The following DLGAP4 variants were observed in gnomAD, a reference collection of about 807,000 sequenced individuals.
DLGAP4 encodes DLG associated protein 4.
Under a neutral mutation model 86.9 loss-of-function variants are expected in DLGAP4, and 18 were observed. The ratio of observed to expected loss-of-function variants is 0.21; its 90% CI spans 0.14 to 0.31. DLGAP4 has a LOEUF of 0.31. Ranked by LOEUF, DLGAP4 falls within the 10% of genes least tolerant of loss-of-function variation. The pLI is 1.00. For synonymous variants in DLGAP4, 548 were observed against 574.3 expected, an observed-to-expected ratio of 0.95 and a Z score of 0.65; for missense variants, 1,085 against 1,362.6, an observed-to-expected ratio of 0.80 and a Z score of 3.21.
chr20:36,442,168 AG>A (rs1279345033), intron 5 of DLGAP4, among the ~76,000 whole-genome samples: 1 of 152,180 alleles, frequency 6.6e-6, no homozygotes, highest in Non-Finnish European at 1.5e-5. Context: ...CCATGGTCCC[AG>A]GGCCCAGACC....
Position 36,381,751 on chromosome 20 carries a change from G to A in DLGAP4, c.-73+14476G>A, listed in dbSNP as rs149687704. Among the ~76,000 whole-genome samples the A allele has an allele frequency of 5.1e-3, 782 of 152,250 alleles. 7 individuals carry two copies. Among genetic ancestry groups the A allele is most frequent in the African/African-American group, 0.018 (745 of 41,520 alleles). ...TATATGACAGGTATGATGGGTCCTG[G>A]TGGGGCTATCGCTGATGCTGGTGAT... On this transcript the variant is annotated intron_variant, in intron 2 of 12. Coordinates refer to ENST00000339266, the MANE Select transcript of DLGAP4 (RefSeq NM_001365621.2).
At chr20:36,453,444 G>A (rs1007511486) in intron 7 of DLGAP4, among the ~76,000 whole-genome samples, 1 of 152,146 alleles carries the variant, frequency 6.6e-6, no homozygotes. Context: ...GAGCCCAGGA[G>A]TTCAAGATCA....
At chr20:36,472,409 G>A (rs1335224175) in intron 7 of DLGAP4, among the ~76,000 whole-genome samples, 7 of 150,354 alleles carry the variant, frequency 4.7e-5, no homozygotes, top group Admixed American at 2.7e-4. Context: ...GGGCTAAGGC[G>A]AAAGGATCAC....
rs1231745343 is a variant in DLGAP4 at position 36,308,713 on chromosome 20, T to C, written c.-304+2201T>C. Among the ~76,000 whole-genome samples, 1 of 152,090 alleles carries C rather than the reference T, an allele frequency of 6.6e-6. No individual in the cohort carries two copies. The highest frequency in any genetic ancestry group is 1.5e-5 in the Non-Finnish European group (1 of 68,014). ...GATGGGGAGGCTCTGAGGAACTGTA[T>C]CCCGGGCACCGTATGTGACAGAAGC... On this transcript the variant is annotated intron_variant, in intron 1 of 12. Coordinates refer to ENST00000339266, the MANE Select transcript of DLGAP4 (RefSeq NM_001365621.2). This position sits in a 1 kb window ranked among gnomAD's most constrained non-coding sequence, Gnocchi z 4.5.
At chr20:36,333,842 T>C (rs1333485967) in intron 1 of DLGAP4, among the ~76,000 whole-genome samples, 1 of 152,120 alleles carries the variant, frequency 6.6e-6, no homozygotes, top group African/African-American at 2.4e-5. Context: ...GGTGAAAACA[T>C]AGATAATTTT....
At chr20:36,369,427 C>T (rs1600443439) in intron 2 of DLGAP4, among the ~76,000 whole-genome samples, 2 of 152,028 alleles carry the variant, frequency 1.3e-5, no homozygotes, top group Non-Finnish European at 2.9e-5. Context: ...ACCCTGTCTC[C>T]ACTAAAAATA....
intron 7 of DLGAP4, among the ~76,000 whole-genome samples, chr20:36,468,128 GGAAGA>G (rs2034500395): frequency 6.6e-6 from 1 of 152,232 alleles, no homozygotes; most frequent in Non-Finnish European, 1.5e-5. Flanking sequence ...CCTTAAAGGT[GGAAGA>G]GTCAGAGGAG....
At chr20:36,334,173 G>A (rs1321902251) in intron 1 of DLGAP4, among the ~76,000 whole-genome samples, 2 of 152,204 alleles carry the variant, frequency 1.3e-5, no homozygotes, top group South Asian at 2.1e-4. Context: ...GGTGGAGGGT[G>A]GGCAGACCAG....
chr20:36,504,980 C>T (rs966708245), intron 10 of DLGAP4, among the ~76,000 whole-genome samples: 1 of 151,496 alleles, frequency 6.6e-6, no homozygotes, highest in African/African-American at 2.4e-5. Flanking sequence ...ACTTTTGATG[C>T]ACACAGGTTC....
Position 36,432,524 on chromosome 20 carries a change from C to G in DLGAP4, c.807C>G (p.Pro269=), listed in dbSNP as rs1188940268. 2 of 1,609,868 alleles carry G rather than the reference C, an allele frequency of 1.2e-6. No individual in the cohort carries two copies. Among genetic ancestry groups the G allele is most frequent in the Non-Finnish European group, 1.7e-6 (2 of 1,178,884 alleles). The part of the protein sequence containing the change: ...NNTTELTAPP[P]PPAPPATCPS... ...CTACTGAGCTGACTGCCCCACCACC[C>G]CCGCCCGCACCCCCAGCCACCTGCC... The change falls in exon 3 of 13, where the codon CCC becomes CCG. Residue 269 remains proline, a synonymous_variant. Coordinates refer to ENST00000339266, the MANE Select transcript of DLGAP4 (RefSeq NM_001365621.2). This position sits in a 1 kb window ranked among gnomAD's most constrained non-coding sequence, Gnocchi z 6.5.
chr20:36,382,856 G>A (rs529503892), intron 2 of DLGAP4, among the ~76,000 whole-genome samples: 30 of 152,050 alleles, frequency 2.0e-4, no homozygotes, highest in African/African-American at 7.0e-4. Context: ...CAGCAAAATG[G>A]GTATAATTGT....
At chr20:36,524,433 T>TC (rs2037575165) in intron 11 of DLGAP4, 92 bp downstream of exon 11, 1 of 1,040,732 alleles carries the variant, frequency 9.6e-7, no homozygotes, top group Admixed American at 2.3e-5. Flanking sequence ...TGTGCCCTCC[T>TC]CTGTAACACA....
At chr20:36,520,111 T>G (rs1023155129) in intron 10 of DLGAP4, among the ~76,000 whole-genome samples, 3 of 152,100 alleles carry the variant, frequency 2.0e-5, no homozygotes, top group Non-Finnish European at 4.4e-5. Flanking sequence ...GTATGAAGTA[T>G]CATTATGGTT....
intron 1 of DLGAP4, among the ~76,000 whole-genome samples, chr20:36,334,202 C>A (rs1363770983): frequency 6.6e-6 from 1 of 152,208 alleles, no homozygotes; most frequent in Non-Finnish European, 1.5e-5. Flanking sequence ...AAAAATGCTA[C>A]AGTGTGGAAA....
At chr20:36,517,608 A>T in intron 10 of DLGAP4, among the ~76,000 whole-genome samples, 1 of 145,804 alleles carries the variant, frequency 6.9e-6, no homozygotes, top group East Asian at 2.0e-4. Context: ...GTTGTTACTG[A>T]TTTTTTTTTT....
intron 5 of DLGAP4, among the ~76,000 whole-genome samples, chr20:36,441,735 T>TTC (rs11468412): frequency 1.3e-4 from 19 of 151,974 alleles, no homozygotes; most frequent in Non-Finnish European, 2.5e-4. Context: ...CTCCGTCTGT[T>TTC]TCTCTCTCTC....
At chr20:36,525,795 G>A (rs2037719874) in intron 11 of DLGAP4, 56 bp from the exon 12 acceptor site, 2 of 1,598,762 alleles carry the variant, frequency 1.3e-6, no homozygotes, top group Non-Finnish European at 1.7e-6. Flanking sequence ...GGGGGTTGGG[G>A]GGAGCAGGAC....
At chr20:36,473,285 A>C (rs1302678017) in intron 7 of DLGAP4, 1 of 152,222 alleles carries the variant, frequency 6.6e-6, no homozygotes, top group Non-Finnish European at 1.5e-5. Flanking sequence ...TGAAAGCCAA[A>C]GGATGGAGGA....
chr20:36,310,426 C>T (rs1245075880), intron 1 of DLGAP4, among the ~76,000 whole-genome samples: 4 of 152,062 alleles, frequency 2.6e-5, no homozygotes, highest in East Asian at 3.9e-4. Flanking sequence ...AGCCCTGTTG[C>T]GAATTTGCTG....
Sources: allele counts gnomAD v4.1 joint callset (sites outside exome capture counted in the v4.1 genomes callset), GRCh38; gene constraint gnomAD v4.1.1; non-coding constraint Gnocchi (gnomAD v3.1); transcripts MANE v1.5; gene names NCBI Gene and HGNC (gene_info 2026-07-23, HGNC 2026-07-21).